FARS2: variants seen among roughly 807,000 people sequenced by gnomAD.
FARS2 encodes the protein phenylalanine--tRNA ligase, mitochondrial.
A neutral mutation model predicts 46.4 loss-of-function variants in FARS2; 40 were observed. That is an observed-to-expected ratio of 0.86 (90% CI 0.67 to 1.12). FARS2 has a LOEUF of 1.12. FARS2 is among the 50% of genes most tolerant of loss of function. The probability of loss-of-function intolerance (pLI) is 0.00; values close to 1 mark genes in which losing one functional copy is unlikely to be tolerated. For synonymous variants in FARS2, 234 were observed against 214.9 expected (o/e 1.09, Z -0.78); for missense variants, 513 against 567.9 (o/e 0.90, Z 0.98).
At chr6:5,541,882 A>G (rs1770659574) in intron 4 of FARS2, among the ~76,000 whole-genome samples, 1 of 152,204 alleles carries the variant, frequency 6.6e-6, no homozygotes, top group Non-Finnish European at 1.5e-5. Context: ...TGAGTTTTCC[A>G]GGAAAGGGGC....
upstream of FARS2, among the ~76,000 whole-genome samples, chr6:5,256,490 G>GAAAAAAAAAAAAAAAAAAAAAA (rs777995486): frequency 7.7e-4 from 29 of 37,520 alleles, 10 homozygotes; most frequent in Admixed American, 2.2e-3. Context: ...GATTTCAACT[G>GAAAAAAAAAAAAAAAAAAAAAA]GAAAAAAAAA....
chr6:5,729,299 C>T (rs1258396120), intron 6 of FARS2, among the ~76,000 whole-genome samples: 2 of 152,146 alleles, frequency 1.3e-5, no homozygotes, highest in Admixed American at 6.5e-5. Flanking sequence ...CCCAGAGCAT[C>T]GTCAGTCTCT....
chr6:5,450,366 G>A (rs1764415140), intron 4 of FARS2, among the ~76,000 whole-genome samples: 1 of 151,918 alleles, frequency 6.6e-6, no homozygotes, highest in East Asian at 1.9e-4. Flanking sequence ...GAGTGGGGGA[G>A]GGGAAGCGTG....
At chr6:5,250,669 G>A in the FARS2 span, among the ~76,000 whole-genome samples, 1 of 152,168 alleles carries the variant, frequency 6.6e-6, no homozygotes, top group Non-Finnish European at 1.5e-5. Flanking sequence ...ATAGTTCTTT[G>A]TAATACAGCG....
chr6:5,738,482 G>T (rs1761093551), intron 6 of FARS2, among the ~76,000 whole-genome samples: 1 of 151,920 alleles, frequency 6.6e-6, no homozygotes, highest in African/African-American at 2.4e-5. Context: ...GTCCAAAGAT[G>T]AATGACAGAG....
At chr6:5,357,792 A>C (rs984544593) in intron 1 of FARS2, among the ~76,000 whole-genome samples, 1 of 152,212 alleles carries the variant, frequency 6.6e-6, no homozygotes, top group South Asian at 2.1e-4. Flanking sequence ...GCTGCCACTT[A>C]AGTACTTTTG....
intron 6 of FARS2, among the ~76,000 whole-genome samples, chr6:5,682,868 GCAGTAACT>G (rs1561797055): frequency 6.6e-6 from 1 of 152,218 alleles, no homozygotes; most frequent in Non-Finnish European, 1.5e-5. Context: ...GAAGTGAAAA[GCAGTAACT>G]CATTTTAAGG....
At chr6:5,280,814 C>T (rs139900071) in intron 1 of FARS2, among the ~76,000 whole-genome samples, 299 of 152,004 alleles carry the variant, frequency 2.0e-3, no homozygotes, top group African/African-American at 5.2e-3. Context: ...AAATTATACA[C>T]TGTGTATAAT....
At chr6:5,743,605 G>A (rs1025804685) in intron 6 of FARS2, among the ~76,000 whole-genome samples, 10 of 152,220 alleles carry the variant, frequency 6.6e-5, no homozygotes, top group African/African-American at 2.4e-4. Context: ...ACAAAACCAT[G>A]TTCCTTCGAA....
chr6:5,342,783 G>C (rs1771750167), intron 1 of FARS2, among the ~76,000 whole-genome samples: 1 of 151,448 alleles, frequency 6.6e-6, no homozygotes, highest in African/African-American at 2.4e-5. Flanking sequence ...AAGAATATAA[G>C]CTGATCTACT....
chr6:5,320,270 C>T (rs1440028728), intron 1 of FARS2, among the ~76,000 whole-genome samples: 2 of 151,586 alleles, frequency 1.3e-5, no homozygotes, highest in South Asian at 2.1e-4. Context: ...ATCTCCCTAA[C>T]GATCTGCTGC....
In FARS2 at chr6:5,295,801, C is replaced by A. The variant is rs145023094; in HGVS notation, c.-22+34141C>A. ...AGTGGGAGTTTTCTCTAAATGAAGG[C>A]GTGTTTATTTATGCTGGAAAGAAGC... On this transcript the variant is annotated intron_variant, in intron 1 of 6. Transcript: ENST00000274680. 2.1e-3 allele frequency among the ~76,000 whole-genome samples: 314 copies of A among 152,142 alleles called. 2 individuals carry two copies. Among genetic ancestry groups the A allele is most frequent in the African/African-American group, 7.3e-3 (303 of 41,486 alleles).
chr6:5,748,971 A>C (rs1761792688), intron 6 of FARS2, among the ~76,000 whole-genome samples: 1 of 152,236 alleles, frequency 6.6e-6, no homozygotes, highest in African/African-American at 2.4e-5. Context: ...AATGTTCATT[A>C]CTGTTATGAT....
intron 1 of FARS2, among the ~76,000 whole-genome samples, chr6:5,338,422 T>C (rs1388833178): frequency 1.3e-5 from 2 of 152,206 alleles, no homozygotes. Context: ...GTGTCGTCTT[T>C]CTTTTCTCCT....
rs907167537 is a variant in FARS2, at chr6:5,411,110, C to G, written c.772+6409C>G. Reference sequence around the variant, plus strand: ...AAGCCATGATGTCCCCCTGGCCAAACAACAACAACAACAAAAATCAGGGCC... The same window carrying G: ...AAGCCATGATGTCCCCCTGGCCAAAGAACAACAACAACAAAAATCAGGGCC... On this transcript the variant is annotated intron_variant, in intron 3 of 6. Transcript: ENST00000274680. 1.3e-4 allele frequency among the ~76,000 whole-genome samples: 20 copies of G among 152,080 alleles called. No individual in the cohort carries two copies. The South Asian group carries it at 4.2e-3, about 32-fold the overall frequency.
intron 6 of FARS2, among the ~76,000 whole-genome samples, chr6:5,725,260 A>G (rs1252488046): frequency 1.3e-5 from 2 of 152,168 alleles, no homozygotes; most frequent in African/African-American, 4.8e-5. Flanking sequence ...GCTGGGGTGT[A>G]TGGAGGAAGG....
chr6:5,325,262 G>A (rs1770285581), intron 1 of FARS2, among the ~76,000 whole-genome samples: 1 of 152,152 alleles, frequency 6.6e-6, no homozygotes, highest in African/African-American at 2.4e-5. Context: ...CATCCTGTGA[G>A]CCAGAGCACC....
chr6:5,736,169 G>A (rs1760935293), intron 6 of FARS2, among the ~76,000 whole-genome samples: 1 of 152,220 alleles, frequency 6.6e-6, no homozygotes, highest in African/African-American at 2.4e-5. Context: ...CTCCCTGGCT[G>A]TAGGTCAGAG....
At chr6:5,620,133 T>C (rs1479828903) in intron 6 of FARS2, among the ~76,000 whole-genome samples, 1 of 151,912 alleles carries the variant, frequency 6.6e-6, no homozygotes, top group Non-Finnish European at 1.5e-5. Context: ...TCCTGTGCAT[T>C]ATACGATGTT....
Sources: gnomAD v4.1 joint callset for allele counts (sites outside exome capture counted in the v4.1 genomes callset) on GRCh38, gnomAD v4.1.1 for gene constraint, MANE v1.5 for transcripts, NCBI Gene and HGNC (gene_info 2026-07-23, HGNC 2026-07-21) for gene names.